The following EFL1 variants were observed in gnomAD, a reference collection of about 807,000 sequenced individuals.
The protein encoded by EFL1 is elongation factor-like GTPase 1.
A neutral mutation model predicts 126.7 loss-of-function variants in EFL1; 76 were observed. The ratio of observed to expected loss-of-function variants is 0.60; its 90% CI spans 0.50 to 0.73. The LOEUF (loss-of-function observed/expected upper bound fraction) is 0.73, where lower values mean the gene tolerates loss of function less well. Ranked by LOEUF, EFL1 falls within the 30% of genes least tolerant of loss-of-function variation. The pLI is 0.00. For synonymous variants in EFL1, 410 were observed against 448.4 expected, an observed-to-expected ratio of 0.91 and a Z score of 1.08; for missense variants, 1,128 against 1,343.2, an observed-to-expected ratio of 0.84 and a Z score of 2.50.
chr15:82,204,085 T>C (rs1270863945), intron 15 of EFL1, among the ~76,000 whole-genome samples: 1 of 152,252 alleles, frequency 6.6e-6, no homozygotes, highest in Admixed American at 6.5e-5. Flanking sequence ...TTAACATTTT[T>C]GTCATTTTAA....
rs139139736 is a variant in EFL1 at position 82,150,051 on chromosome 15, A to T, written c.2989+1414T>A. On this transcript the variant is annotated intron_variant, in intron 18 of 19. Coordinates refer to ENST00000268206, the MANE Select transcript of EFL1 (RefSeq NM_024580.6). ...TAGTCTAGATTGGTGTTTCCCAAAC[A>T]AATCTACAAATTCCATGGCTGTTAA... Among the ~76,000 whole-genome samples the T allele has an allele frequency of 9.8e-3, 1,496 of 152,332 alleles. 25 individuals carry two copies. Among genetic ancestry groups the T allele is most frequent in the African/African-American group, 0.034 (1,428 of 41,570 alleles).
At chr15:82,146,927 T>C (rs932803463) in intron 18 of EFL1, among the ~76,000 whole-genome samples, 1 of 152,140 alleles carries the variant, frequency 6.6e-6, no homozygotes, top group East Asian at 1.9e-4. Context: ...GTGGCAGAAC[T>C]GACTGATGGC....
chr15:82,150,843 TG>T (rs1165462889), intron 18 of EFL1, among the ~76,000 whole-genome samples: 1 of 152,238 alleles, frequency 6.6e-6, no homozygotes, highest in Non-Finnish European at 1.5e-5. Context: ...CAGACTGATA[TG>T]GTTATTTGCT....
intron 15 of EFL1, among the ~76,000 whole-genome samples, chr15:82,197,622 G>A (rs971718469): frequency 2.6e-5 from 4 of 151,988 alleles, no homozygotes; most frequent in African/African-American, 9.7e-5. Flanking sequence ...ACAACCAAAG[G>A]TGTCATAACT....
intron 7 of EFL1, among the ~76,000 whole-genome samples, chr15:82,236,530 T>G (rs2074874181): frequency 2.6e-5 from 4 of 152,182 alleles, no homozygotes; most frequent in Admixed American, 2.6e-4. Flanking sequence ...TATGTCCAAG[T>G]GATTTTGACA....
At chr15:82,159,162 T>TTG (rs372406109) in intron 16 of EFL1, among the ~76,000 whole-genome samples, 8 of 151,944 alleles carry the variant, frequency 5.3e-5, no homozygotes, top group Non-Finnish European at 7.4e-5. Flanking sequence ...ATTTTTTTTT[T>TTG]GTCTAATTAA....
chr15:82,163,044 G>A (rs1215916304), intron 16 of EFL1, among the ~76,000 whole-genome samples: 5 of 152,206 alleles, frequency 3.3e-5, no homozygotes, highest in African/African-American at 1.2e-4. Flanking sequence ...AATACCATAA[G>A]CCAAAGACTA....
At chr15:82,257,623 G>T (rs1267523786) in intron 3 of EFL1, among the ~76,000 whole-genome samples, 1 of 152,140 alleles carries the variant, frequency 6.6e-6, no homozygotes, top group African/African-American at 2.4e-5. Flanking sequence ...CAGAAAAATT[G>T]ACTGAAGGTT....
At chr15:82,134,258 C>T (rs1329884702) in intron 19 of EFL1, among the ~76,000 whole-genome samples, 2 of 152,102 alleles carry the variant, frequency 1.3e-5, no homozygotes, top group Admixed American at 1.3e-4. Context: ...TTTTGAATTT[C>T]CTTAGTGGAG....
At position 82,239,997 on chromosome 15, in the gene EFL1, A is replaced by C. The variant is rs543154682; in HGVS notation, c.516+421T>G. Among the ~76,000 whole-genome samples the C allele has an allele frequency of 5.9e-5, 9 of 152,310 alleles. No individual in the cohort carries two copies. In the South Asian group the frequency reaches 1.2e-3, roughly 21 times the overall value. On this transcript the variant is annotated intron_variant, in intron 6 of 19. Coordinates refer to ENST00000268206, the MANE Select transcript of EFL1 (RefSeq NM_024580.6). ...ATAGGGATTCTGACCTGTTCATCTT[A>C]TATTCACAATCCCTAGTGCACAATG...
In EFL1 at chr15:82,227,650, T is replaced by C. The variant is rs1424071065; in HGVS notation, c.1070-78A>G. 4.4e-6 allele frequency: 7 copies of C among 1,589,874 alleles called. No homozygotes were observed. The East Asian group carries it at 1.1e-4, about 25-fold the overall frequency. On this transcript the variant is annotated intron_variant, in intron 10 of 19. Transcript: ENST00000268206. ...GCGAAGATTCACTGTATGCACTAAA[T>C]ATTGAGGTAACAAAGTCTGTCCATA...
At chr15:82,159,250 G>C (rs1172991393) in intron 16 of EFL1, among the ~76,000 whole-genome samples, 1 of 151,940 alleles carries the variant, frequency 6.6e-6, no homozygotes, top group African/African-American at 2.4e-5. Context: ...TTCCTGCAAA[G>C]ATATCACTGA....
intron 15 of EFL1, among the ~76,000 whole-genome samples, chr15:82,202,214 C>A (rs1413853704): frequency 7.2e-5 from 11 of 152,160 alleles, no homozygotes. Flanking sequence ...TGCTGGACGA[C>A]GTCTTTCAGA....
At chr15:82,141,687 C>CAAAAAAA (rs111707224) in intron 18 of EFL1, among the ~76,000 whole-genome samples, 1 of 111,782 alleles carries the variant, frequency 8.9e-6, no homozygotes. Context: ...AAAAAAAAAC[C>CAAAAAAA]AAAAAAAAAA....
chr15:82,147,437 C>G (rs2073859368), intron 18 of EFL1, among the ~76,000 whole-genome samples: 1 of 151,838 alleles, frequency 6.6e-6, no homozygotes, highest in Non-Finnish European at 1.5e-5. Context: ...TGAGAGCAGC[C>G]TTGCTAAAAT....
chr15:82,212,895 T>C (rs2074604697), intron 15 of EFL1, among the ~76,000 whole-genome samples: 1 of 152,218 alleles, frequency 6.6e-6, no homozygotes, highest in Non-Finnish European at 1.5e-5. Context: ...ACATTAATCC[T>C]GTTAGAAGGT....
intron 15 of EFL1, among the ~76,000 whole-genome samples, chr15:82,201,155 T>G (rs1282483956): frequency 1.3e-5 from 2 of 152,282 alleles, no homozygotes; most frequent in Non-Finnish European, 2.9e-5. Context: ...TGGCTGCTCA[T>G]GTATTCCCTC....
At chr15:82,262,053 A>T (rs1402992885) in intron 1 of EFL1, 12 of 356,078 alleles carry the variant, frequency 3.4e-5, no homozygotes, top group East Asian at 5.2e-5. Context: ...ACGCAGCTCG[A>T]GGGGACTGGG....
intron 15 of EFL1, among the ~76,000 whole-genome samples, chr15:82,192,100 A>G (rs1487266361): frequency 6.6e-6 from 1 of 152,182 alleles, no homozygotes; most frequent in Non-Finnish European, 1.5e-5. Flanking sequence ...GGCATATTGT[A>G]TGTAAAAGTA....
Sources: gnomAD v4.1 joint callset for allele counts (sites outside exome capture counted in the v4.1 genomes callset) on GRCh38, gnomAD v4.1.1 for gene constraint, MANE v1.5 for transcripts, NCBI Gene and HGNC (gene_info 2026-07-23, HGNC 2026-07-21) for gene names.